The following SLC9B1 variants were observed in gnomAD, a reference collection of about 807,000 sequenced individuals.
The protein encoded by SLC9B1 is sodium/hydrogen exchanger 9B1.
A neutral mutation model predicts 51.7 loss-of-function variants in SLC9B1; 32 were observed. The observed-to-expected ratio is 0.62, with a 90% confidence interval of 0.47 to 0.83. The LOEUF is 0.83. SLC9B1 is among the 40% of genes least tolerant of loss of function. The pLI, the probability that SLC9B1 is intolerant of heterozygous loss-of-function variation, is 0.00. For synonymous variants in SLC9B1, 145 were observed against 212.7 expected, an observed-to-expected ratio of 0.68 and a Z score of 2.77; for missense variants, 406 against 613.2, an observed-to-expected ratio of 0.66 and a Z score of 3.57.
intron 6 of SLC9B1, among the ~76,000 whole-genome samples, chr4:102,943,486 T>C (rs1173369787): frequency 6.8e-6 from 1 of 146,592 alleles, no homozygotes; most frequent in African/African-American, 2.6e-5. Context: ...TACGTATCTA[T>C]GTGTATATAT....
intron 6 of SLC9B1, among the ~76,000 whole-genome samples, chr4:102,937,617 C>T (rs759270470): frequency 1.4e-5 from 2 of 143,624 alleles, no homozygotes; most frequent in South Asian, 2.3e-4. Flanking sequence ...CCCAGCTACT[C>T]GGGAGGCTGA....
chr4:102,973,182 C>T (rs1738854320), intron 3 of SLC9B1, among the ~76,000 whole-genome samples: 1 of 152,038 alleles, frequency 6.6e-6, no homozygotes, highest in Non-Finnish European at 1.5e-5. Context: ...GGATTAAAAA[C>T]ATGAAAATCC....
intron 3 of SLC9B1, among the ~76,000 whole-genome samples, chr4:102,969,603 G>A (rs149668889): frequency 0.017 from 2,545 of 152,246 alleles, 70 homozygotes; most frequent in African/African-American, 0.055. Flanking sequence ...GGAGCTCCTC[G>A]CCAGCAATGG....
intron 11 of SLC9B1, chr4:102,889,666 T>C (rs893601547): frequency 2.6e-5 from 4 of 152,218 alleles, no homozygotes; most frequent in African/African-American, 4.8e-5. Context: ...TGTTAAAATA[T>C]GCTAAGAGCT....
rs1350691139 is a variant in SLC9B1, at chr4:102,989,853, T to G, written c.158A>C (p.Glu53Ala). 6.2e-7 allele frequency: 1 copy of G among 1,602,780 alleles called. No individual in the cohort carries two copies. The highest frequency in any genetic ancestry group is 8.5e-7 in the Non-Finnish European group (1 of 1,171,888). ...TEEIKPQTKK[E>A]TYISCPLRGV... ...TCTTAGAGGACAAGAAATGTATGTC[T>G]CCTTTTTTGTCTGTGGTTTTATTTC... The change falls in exon 3 of 12, where the codon GAG (glutamate) becomes GCG (alanine). Residue 53 changes from glutamate (E) to alanine (A), a missense_variant. By Grantham distance (107) the Glu-to-Ala change is moderately radical. Coordinates refer to ENST00000296422, the MANE Select transcript of SLC9B1 (RefSeq NM_139173.4).
At chr4:103,015,355 G>T (rs576212460) in intron 1 of SLC9B1, among the ~76,000 whole-genome samples, 4 of 150,498 alleles carry the variant, frequency 2.7e-5, no homozygotes, top group African/African-American at 7.3e-5. Context: ...TGGCACAAAA[G>T]AGTAATGCTG....
chr4:102,922,569 A>C (rs1735934591), intron 7 of SLC9B1, among the ~76,000 whole-genome samples: 1 of 152,186 alleles, frequency 6.6e-6, no homozygotes, highest in African/African-American at 2.4e-5. Flanking sequence ...AGCAGAGCTG[A>C]AGGAGATACA....
rs578172469 is a variant in SLC9B1, at chr4:102,957,821, C to T, written c.212-8394G>A. Reference sequence around the variant, plus strand: ...GTGTGTGTGTATTCTGATTTCATCTCTTTTTTAAAAAAAGCATCTGATTAT... The same window carrying T: ...GTGTGTGTGTATTCTGATTTCATCTTTTTTTTAAAAAAAGCATCTGATTAT... On this transcript the variant is annotated intron_variant, in intron 3 of 11. Transcript: ENST00000296422. 5.9e-5 allele frequency among the ~76,000 whole-genome samples: 9 copies of T among 151,734 alleles called. No individual in the cohort carries two copies. In the South Asian group the frequency reaches 1.9e-3, roughly 32 times the overall value.
At chr4:102,947,806 C>T (rs1737340959) in intron 4 of SLC9B1, among the ~76,000 whole-genome samples, 2 of 152,242 alleles carry the variant, frequency 1.3e-5, no homozygotes, top group Admixed American at 1.3e-4. Flanking sequence ...CAATTTCCTA[C>T]AGCATATTTC....
At chr4:103,004,511 G>A (rs923709173) in intron 1 of SLC9B1, among the ~76,000 whole-genome samples, 21 of 152,174 alleles carry the variant, frequency 1.4e-4, no homozygotes, top group Admixed American at 1.2e-3. Flanking sequence ...AAACATATTT[G>A]AGGATATCAT....
At chr4:102,998,039 C>T (rs1740317499) in intron 1 of SLC9B1, among the ~76,000 whole-genome samples, 1 of 152,114 alleles carries the variant, frequency 6.6e-6, no homozygotes, top group African/African-American at 2.4e-5. Context: ...ATTTTAACCA[C>T]TTTAAAGTAT....
chr4:102,945,507 T>G (rs530606386), intron 5 of SLC9B1, among the ~76,000 whole-genome samples, 187 bp from the exon 6 acceptor site: 1 of 152,250 alleles, frequency 6.6e-6, no homozygotes, highest in South Asian at 2.1e-4. Context: ...GGTTGGATTA[T>G]AAACAATTTC....
chr4:102,917,106 C>A (rs1482373488), intron 7 of SLC9B1, among the ~76,000 whole-genome samples: 1 of 152,196 alleles, frequency 6.6e-6, no homozygotes, highest in African/African-American at 2.4e-5. Flanking sequence ...GAGCAGTATG[C>A]CTTTTTCTCC....
chr4:103,003,236 C>A (rs147086528), intron 1 of SLC9B1, among the ~76,000 whole-genome samples: 67 of 152,294 alleles, frequency 4.4e-4, no homozygotes, highest in African/African-American at 1.6e-3. Context: ...AACCTTCTAT[C>A]ATCTGAAATG....
At chr4:102,958,078 T>A (rs1172557882) in intron 3 of SLC9B1, among the ~76,000 whole-genome samples, 1 of 152,166 alleles carries the variant, frequency 6.6e-6, no homozygotes, top group African/African-American at 2.4e-5. Flanking sequence ...TGAAACTCTG[T>A]TGATATAGTT....
intron 6 of SLC9B1, among the ~76,000 whole-genome samples, chr4:102,933,664 G>GT (rs1178733465): frequency 6.6e-6 from 1 of 152,158 alleles, no homozygotes; most frequent in Admixed American, 6.5e-5. Context: ...GCAGGCTTCA[G>GT]TTTTTTCCAA....
intron 6 of SLC9B1, among the ~76,000 whole-genome samples, chr4:102,936,091 T>A (rs1240419317): frequency 6.6e-6 from 1 of 152,088 alleles, no homozygotes; most frequent in Non-Finnish European, 1.5e-5. Flanking sequence ...AGACAACAAA[T>A]CTGTGGGTAT....
At chr4:102,919,898 G>T (rs1486874637) in intron 7 of SLC9B1, among the ~76,000 whole-genome samples, 1 of 152,246 alleles carries the variant, frequency 6.6e-6, no homozygotes, top group Non-Finnish European at 1.5e-5. Flanking sequence ...AAACAAAGCG[G>T]CTGGGAAGCT....
chr4:102,967,590 C>T (rs1030147559), intron 3 of SLC9B1, among the ~76,000 whole-genome samples: 7 of 151,984 alleles, frequency 4.6e-5, no homozygotes, highest in Non-Finnish European at 7.4e-5. Flanking sequence ...GTGACCTCAC[C>T]GTATAGCAAC....
Sources: gnomAD v4.1 joint callset for allele counts (sites outside exome capture counted in the v4.1 genomes callset) on GRCh38, gnomAD v4.1.1 for gene constraint, MANE v1.5 for transcripts, NCBI Gene and HGNC (gene_info 2026-07-23, HGNC 2026-07-21) for gene names.